Variants in SCMH1 observed in about 807,000 individuals in gnomAD.
SCMH1 encodes the protein polycomb protein SCMH1.
SCMH1 carries 37 observed loss-of-function variants against 70.8 expected under a neutral mutation model. The observed-to-expected ratio is 0.52, with a 90% CI of 0.40 to 0.69. The LOEUF is 0.69. Ranked by LOEUF, SCMH1 falls within the 30% of genes least tolerant of loss-of-function variation. The probability of loss-of-function intolerance (pLI) is 0.00; values close to 1 mark genes in which losing one functional copy is unlikely to be tolerated. For synonymous variants in SCMH1, 292 were observed against 307.4 expected (o/e 0.95, Z 0.52); for missense variants, 607 against 827.3 (o/e 0.73, Z 3.27).
intron 2 of SCMH1, among the ~76,000 whole-genome samples, chr1:41,162,098 TG>T (rs1646082513): frequency 1.3e-5 from 2 of 151,936 alleles, no homozygotes; most frequent in African/African-American, 4.8e-5. Context: ...TCCTGCTCCA[TG>T]GAACAGGCAG....
At chr1:41,150,654 T>C (rs773760621) in intron 5 of SCMH1, among the ~76,000 whole-genome samples, 20 of 151,948 alleles carry the variant, frequency 1.3e-4, no homozygotes, top group Non-Finnish European at 2.1e-4. Context: ...CAAAATTCTA[T>C]GGCCGGGCAC....
rs1663714675 is a variant in SCMH1, at chr1:41,242,081, G to A, written c.-140C>T. The A allele has an allele frequency of 6.6e-6, 1 of 151,550 alleles. No homozygotes were observed. The highest frequency in any genetic ancestry group is 6.6e-5 in the Admixed American group (1 of 15,160). 9.4% of individuals were successfully genotyped at this position (151,550 alleles called of 1,614,324 possible). The stretch of plus-strand genomic sequence containing the variant: ...TACCTGAGGGCGCGGCGGGGGCGCG[G>A]GGCGGCTCACTCTCTTCCCGCCGCC... On this transcript the variant is annotated 5_prime_UTR_variant, in exon 1 of 15. Transcript: ENST00000337495. This position sits in a 1 kb window ranked among gnomAD's most constrained non-coding sequence, Gnocchi z 5.2.
chr1:41,103,709 T>C (rs1462065828), intron 8 of SCMH1, among the ~76,000 whole-genome samples: 2 of 152,214 alleles, frequency 1.3e-5, no homozygotes, highest in African/African-American at 2.4e-5. Flanking sequence ...TGTTTCATTA[T>C]ACATGTCGAA....
At chr1:41,078,479 A>C (rs1259004350) in intron 8 of SCMH1, among the ~76,000 whole-genome samples, 1 of 152,172 alleles carries the variant, frequency 6.6e-6, no homozygotes, top group Non-Finnish European at 1.5e-5. Context: ...TGAAAATACA[A>C]AAGATGAAAT....
chr1:41,108,260 C>T (rs1021351545), intron 8 of SCMH1, among the ~76,000 whole-genome samples: 11 of 152,076 alleles, frequency 7.2e-5, no homozygotes, highest in Non-Finnish European at 1.3e-4. Context: ...TCCAGAATAG[C>T]AATATATTAA....
intron 2 of SCMH1, among the ~76,000 whole-genome samples, chr1:41,170,168 T>C (rs1199116293): frequency 2.0e-5 from 3 of 152,222 alleles, no homozygotes; most frequent in East Asian, 3.8e-4. Context: ...GCTTTTTTCC[T>C]GTGGTCTAGA....
chr1:41,176,692 G>A (rs1018272223), intron 2 of SCMH1, among the ~76,000 whole-genome samples: 7 of 152,196 alleles, frequency 4.6e-5, no homozygotes, highest in Non-Finnish European at 5.9e-5. Flanking sequence ...AGGTGGCAGC[G>A]AGGCTGGGGG....
chr1:41,126,246 A>T (rs778310201), intron 6 of SCMH1, among the ~76,000 whole-genome samples: 13 of 152,174 alleles, frequency 8.5e-5, no homozygotes, highest in Admixed American at 3.9e-4. Context: ...AATATGCCCC[A>T]TATTAAAGGT....
At chr1:41,224,866 A>T (rs1659962203) in intron 1 of SCMH1, among the ~76,000 whole-genome samples, 1 of 152,178 alleles carries the variant, frequency 6.6e-6, no homozygotes, top group South Asian at 2.1e-4. Context: ...ATTACAAGTG[A>T]AGAAAAAAAG....
chr1:41,125,416 C>T lies in SCMH1; in HGVS notation c.413-8406G>A, dbSNP rs191613746. ...TTTTTTTGTAGGGACAGAGTTTCAC[C>T]ATGTTGCCCAGGCTGGTCTCAAACT... On this transcript the variant is annotated intron_variant, in intron 6 of 14. Transcript: ENST00000337495. Among the ~76,000 whole-genome samples, 7 of 151,684 alleles carry T rather than the reference C, an allele frequency of 4.6e-5. No individual in the cohort carries two copies. In the East Asian group the frequency reaches 1.2e-3, roughly 25 times the overall value.
At chr1:41,228,332 T>A (rs1200877213) in intron 1 of SCMH1, among the ~76,000 whole-genome samples, 1 of 152,186 alleles carries the variant, frequency 6.6e-6, no homozygotes, top group Non-Finnish European at 1.5e-5. Flanking sequence ...GTTCTGGAGA[T>A]GGATGGTGAT....
At position 41,083,085 on chromosome 1, in the gene SCMH1, T is replaced by C. The variant is rs1210674284; in HGVS notation, c.746-7634A>G. Among the ~76,000 whole-genome samples the C allele has an allele frequency of 4.6e-5, 7 of 152,256 alleles. No homozygotes were observed. The South Asian group carries it at 6.2e-4, about 14-fold the overall frequency. On this transcript the variant is annotated intron_variant, in intron 8 of 14. Transcript: ENST00000337495. ...GGCACAAGACAGGGATGCCCTCTCT[T>C]ACCACTCCTATTCAACATAGTGTTG...
chr1:41,202,509 CT>C (rs1382446851), intron 1 of SCMH1, among the ~76,000 whole-genome samples: 5 of 152,154 alleles, frequency 3.3e-5, no homozygotes, highest in Admixed American at 2.6e-4. Context: ...CTTTACTGTA[CT>C]TTTATATGGT....
intron 8 of SCMH1, among the ~76,000 whole-genome samples, chr1:41,105,691 C>A (rs925949778): frequency 1.3e-5 from 2 of 152,080 alleles, no homozygotes; most frequent in Non-Finnish European, 2.9e-5. Flanking sequence ...ATATGCCCCC[C>A]ACCCCATCTT....
intron 8 of SCMH1, among the ~76,000 whole-genome samples, chr1:41,110,277 C>T (rs1668945604): frequency 6.6e-6 from 1 of 152,250 alleles, no homozygotes; most frequent in Admixed American, 6.5e-5. Flanking sequence ...TCATTCTCCA[C>T]AGACCAGCTC....
At chr1:41,224,090 T>C (rs958929353) in intron 1 of SCMH1, among the ~76,000 whole-genome samples, 1 of 152,214 alleles carries the variant, frequency 6.6e-6, no homozygotes, top group Admixed American at 6.5e-5. Context: ...TCCTTCCATC[T>C]GGATCGCCCC....
At chr1:41,129,288 CCA>C (rs1403741614) in intron 6 of SCMH1, among the ~76,000 whole-genome samples, 2 of 152,106 alleles carry the variant, frequency 1.3e-5, no homozygotes, top group African/African-American at 4.8e-5. Flanking sequence ...GCAACTATCA[CCA>C]CCATCCATCT....
At chr1:41,184,099 G>T (rs1649546728) in intron 2 of SCMH1, among the ~76,000 whole-genome samples, 1 of 152,110 alleles carries the variant, frequency 6.6e-6, no homozygotes, top group Non-Finnish European at 1.5e-5. Context: ...TAAATTCTGT[G>T]TTATGTATAC....
intron 6 of SCMH1, among the ~76,000 whole-genome samples, chr1:41,136,930 C>T (rs984264323): frequency 1.6e-4 from 25 of 151,844 alleles, no homozygotes; most frequent in African/African-American, 5.6e-4. Context: ...GCATATGCCA[C>T]CATGCTGGGC....
Sources: gnomAD v4.1 joint callset for allele counts (sites outside exome capture counted in the v4.1 genomes callset) on GRCh38, gnomAD v4.1.1 for gene constraint, Gnocchi (gnomAD v3.1) non-coding constraint, MANE v1.5 for transcripts, NCBI Gene and HGNC (gene_info 2026-07-23, HGNC 2026-07-21) for gene names.